The following TMEM132D variants were observed in gnomAD, a reference collection of about 807,000 sequenced individuals.
The protein encoded by TMEM132D is mature OL transmembrane protein.
A neutral mutation model predicts 62.3 loss-of-function variants in TMEM132D; 21 were observed. That is an observed-to-expected ratio of 0.34 (90% confidence interval 0.24 to 0.49). The LOEUF (loss-of-function observed/expected upper bound fraction) is 0.49, where lower values mean the gene tolerates loss of function less well. Among genes scored for constraint, TMEM132D ranks in the 20% least tolerant of loss-of-function variants. The probability of loss-of-function intolerance (pLI) is 0.99; values close to 1 mark genes in which losing one functional copy is unlikely to be tolerated. For missense variants in TMEM132D, 1,346 were observed against 1,402.8 expected (o/e 0.96, Z 0.65); for synonymous variants, 621 against 575.6 (o/e 1.08, Z -1.13).
chr12:129,183,979 C>A (rs945406714), intron 5 of TMEM132D, among the ~76,000 whole-genome samples: 1 of 152,164 alleles, frequency 6.6e-6, no homozygotes, highest in Admixed American at 6.5e-5. Context: ...CTTGTCATTG[C>A]AGTAATGCTG....
At position 129,409,690 on chromosome 12, in the gene TMEM132D, G is replaced by A. The variant is rs184209709; in HGVS notation, c.1116-71873C>T. Among the ~76,000 whole-genome samples, 8 of 152,350 alleles carry A rather than the reference G, an allele frequency of 5.3e-5. No homozygotes were observed. The East Asian group carries it at 1.5e-3, about 29-fold the overall frequency. On this transcript the variant is annotated intron_variant, in intron 3 of 8. Transcript: ENST00000422113. ...AAAAGCATTTCTTTGCATATAGAGT[G>A]TGAAAACAAGAGGTACTTATAAACA...
chr12:129,573,155 C>T lies in TMEM132D; in HGVS notation c.969-41950G>A, dbSNP rs566964848. ...AGGGGCAGCCATGGAGACCCTGCGC[C>T]TACACAAAGACATCTCTCCCAGGGG... On this transcript the variant is annotated intron_variant, in intron 2 of 8. Transcript: ENST00000422113. Among the ~76,000 whole-genome samples, 632 of 152,258 alleles carry T rather than the reference C, an allele frequency of 4.2e-3. 5 individuals carry two copies. Among genetic ancestry groups the T allele is most frequent in the African/African-American group, 0.015 (614 of 41,550 alleles).
At chr12:129,610,446 T>C (rs1334923561) in intron 2 of TMEM132D, among the ~76,000 whole-genome samples, 1 of 152,210 alleles carries the variant, frequency 6.6e-6, no homozygotes, top group South Asian at 2.1e-4. Context: ...GTCAATTTCC[T>C]GTTCTAACAT....
chr12:129,701,581 C>T (rs896617304), intron 1 of TMEM132D, among the ~76,000 whole-genome samples: 6 of 152,176 alleles, frequency 3.9e-5, no homozygotes, highest in Non-Finnish European at 7.3e-5. Context: ...TTCATTTTTC[C>T]GCACTGAACG....
chr12:129,421,889 T>C (rs1872334942), intron 3 of TMEM132D, among the ~76,000 whole-genome samples: 1 of 152,206 alleles, frequency 6.6e-6, no homozygotes, highest in African/African-American at 2.4e-5. Flanking sequence ...TTAATTAGCA[T>C]GCAATAAAAT....
intron 4 of TMEM132D, among the ~76,000 whole-genome samples, chr12:129,331,950 C>T (rs999062535): frequency 1.3e-5 from 2 of 152,218 alleles, no homozygotes; most frequent in African/African-American, 4.8e-5. Context: ...ATGGCTCATG[C>T]CCCTAATCCC....
At chr12:129,670,493 C>T (rs937703709) in intron 2 of TMEM132D, among the ~76,000 whole-genome samples, 2 of 152,006 alleles carry the variant, frequency 1.3e-5, no homozygotes, top group African/African-American at 4.8e-5. Context: ...GTGGCCCCCA[C>T]CCAGGAACTG....
chr12:129,094,732 C>G (rs549539585), intron 5 of TMEM132D, among the ~76,000 whole-genome samples: 1 of 152,080 alleles, frequency 6.6e-6, no homozygotes, highest in Non-Finnish European at 1.5e-5. Context: ...CACATGCATA[C>G]GTATGTTTAT....
At chr12:129,218,479 C>T (rs944317752) in intron 4 of TMEM132D, among the ~76,000 whole-genome samples, 1 of 152,166 alleles carries the variant, frequency 6.6e-6, no homozygotes, top group Non-Finnish European at 1.5e-5. Context: ...GCAGCTGAAA[C>T]ACCATGGTAA....
intron 3 of TMEM132D, 88 bp downstream of exon 3, chr12:129,530,971 A>G: frequency 7.3e-7 from 1 of 1,363,836 alleles, no homozygotes; most frequent in South Asian, 1.5e-5. Flanking sequence ...CACAGTGGAA[A>G]TGGTTGTTAG....
chr12:129,234,043 T>C (rs1879717890), intron 4 of TMEM132D, among the ~76,000 whole-genome samples: 1 of 152,144 alleles, frequency 6.6e-6, no homozygotes, highest in South Asian at 2.1e-4. Context: ...AACCATTGAG[T>C]TAGATATGTG....
intron 3 of TMEM132D, among the ~76,000 whole-genome samples, chr12:129,502,800 A>G (rs1875193517): frequency 1.3e-5 from 2 of 152,220 alleles, no homozygotes; most frequent in East Asian, 3.9e-4. Flanking sequence ...ACTCATGGCC[A>G]GGGGAATTAG....
intron 5 of TMEM132D, among the ~76,000 whole-genome samples, chr12:129,092,653 G>A (rs143767880): frequency 1.3e-5 from 2 of 152,166 alleles, no homozygotes; most frequent in Non-Finnish European, 2.9e-5. Context: ...TGAGACTCGC[G>A]CCATTTTACT....
At chr12:129,091,064 C>T (rs1366311005) in intron 5 of TMEM132D, among the ~76,000 whole-genome samples, 4 of 152,302 alleles carry the variant, frequency 2.6e-5, no homozygotes, top group South Asian at 2.1e-4. Flanking sequence ...AATTCCTGTG[C>T]GTCTCCTAGG....
At chr12:129,119,940 T>C (rs1211004054) in intron 5 of TMEM132D, among the ~76,000 whole-genome samples, 1 of 152,104 alleles carries the variant, frequency 6.6e-6, no homozygotes. Flanking sequence ...ATATTTTCAC[T>C]GAGACCTGAA....
At chr12:129,441,887 C>A (rs1022023872) in intron 3 of TMEM132D, among the ~76,000 whole-genome samples, 18 of 152,268 alleles carry the variant, frequency 1.2e-4, no homozygotes, top group African/African-American at 4.1e-4. Flanking sequence ...GGCGCAGAAA[C>A]AGAAAACTCA....
chr12:129,406,891 C>T (rs948637216), intron 3 of TMEM132D, among the ~76,000 whole-genome samples: 25 of 152,218 alleles, frequency 1.6e-4, no homozygotes, highest in Admixed American at 1.6e-3. Context: ...ATTTTGTCTG[C>T]AGCCTCTTAA....
At chr12:129,514,705 C>T (rs1035717270) in intron 3 of TMEM132D, among the ~76,000 whole-genome samples, 4 of 152,114 alleles carry the variant, frequency 2.6e-5, no homozygotes, top group Admixed American at 6.5e-5. Context: ...CAGGAGAGAA[C>T]GGCTGCAATT....
intron 1 of TMEM132D, among the ~76,000 whole-genome samples, chr12:129,758,327 T>G (rs2137272687): frequency 6.6e-6 from 1 of 152,362 alleles, no homozygotes; most frequent in Non-Finnish European, 1.5e-5. Context: ...TAATTCCTAC[T>G]TATTCTTTAT....
Sources: gnomAD v4.1 joint callset for allele counts (sites outside exome capture counted in the v4.1 genomes callset) on GRCh38, gnomAD v4.1.1 for gene constraint, MANE v1.5 for transcripts, NCBI Gene and HGNC (gene_info 2026-07-23, HGNC 2026-07-21) for gene names.